Variants in VAV2 observed in about 807,000 individuals in gnomAD.
VAV2 encodes vav guanine nucleotide exchange factor 2.
Under a neutral mutation model 132.5 loss-of-function variants are expected in VAV2, and 67 were observed. That is an observed-to-expected ratio of 0.51 (90% confidence interval 0.42 to 0.62). VAV2 has a LOEUF of 0.62. Ranked by LOEUF, VAV2 falls within the 20% of genes least tolerant of loss-of-function variation. The pLI is 0.00. For missense variants in VAV2, 938 were observed against 1,153.6 expected, an observed-to-expected ratio of 0.81 and a Z score of 2.71; for synonymous variants, 492 against 443.5, an observed-to-expected ratio of 1.11 and a Z score of -1.37.
At chr9:133,965,906 A>C (rs1842126233) in intron 1 of VAV2, among the ~76,000 whole-genome samples, 1 of 152,244 alleles carries the variant, frequency 6.6e-6, no homozygotes, top group South Asian at 2.1e-4. Flanking sequence ...CAGCAACAAA[A>C]GCAGCATGAT....
chr9:133,985,235 T>A (rs914635888), intron 1 of VAV2, among the ~76,000 whole-genome samples: 63 of 108,338 alleles, frequency 5.8e-4, no homozygotes, highest in African/African-American at 3.0e-3. Context: ...ATTGTGTGTG[T>A]GTGTGTGTGT....
At chr9:133,844,533 A>C (rs1836854965) in intron 3 of VAV2, among the ~76,000 whole-genome samples, 1 of 152,244 alleles carries the variant, frequency 6.6e-6, no homozygotes, top group Non-Finnish European at 1.5e-5. Context: ...CTGCACCCCC[A>C]GTCCCTGGCA....
intron 9 of VAV2, among the ~76,000 whole-genome samples, chr9:133,799,270 A>G (rs1834839526): frequency 6.6e-6 from 1 of 152,150 alleles, no homozygotes; most frequent in Non-Finnish European, 1.5e-5. Flanking sequence ...TACTCCCAAC[A>G]AATGCTCATG....
At chr9:133,822,797 G>A (rs1397628462) in intron 4 of VAV2, among the ~76,000 whole-genome samples, 2 of 147,660 alleles carry the variant, frequency 1.4e-5, no homozygotes, top group African/African-American at 5.2e-5. Flanking sequence ...AAATATTCAG[G>A]AACCAAAAAA....
At chr9:133,966,562 C>T (rs904717928) in intron 1 of VAV2, among the ~76,000 whole-genome samples, 1 of 152,160 alleles carries the variant, frequency 6.6e-6, no homozygotes, top group Non-Finnish European at 1.5e-5. Flanking sequence ...AAAAATTAGC[C>T]AGGCGTGGTG....
chr9:133,825,108 C>T (rs998620272), intron 4 of VAV2, among the ~76,000 whole-genome samples: 4 of 140,294 alleles, frequency 2.9e-5, no homozygotes, highest in African/African-American at 1.1e-4. Flanking sequence ...GTCTGTTGTG[C>T]AAATGAGGCA....
rs921910076 is a variant in VAV2, at chr9:133,961,651, G to C, written c.205-22432C>G. Among the ~76,000 whole-genome samples the C allele has an allele frequency of 2.6e-5, 4 of 152,210 alleles. No individual in the cohort carries two copies. Among genetic ancestry groups the C allele is most frequent in the Non-Finnish European group, 5.9e-5 (4 of 68,040 alleles). On this transcript the variant is annotated intron_variant, in intron 1 of 29. Coordinates refer to ENST00000371850, the MANE Select transcript of VAV2 (RefSeq NM_001134398.2). The surrounding 1 kb of genome is among the most constrained non-coding windows in gnomAD (Gnocchi z 4.1). ...CCAGGTGCTCCAGTCCCCAGAGCACGCATAAGCCTCAGCCAGTTTTACTTC... is the reference window on the plus strand; with the variant it reads ...CCAGGTGCTCCAGTCCCCAGAGCACCCATAAGCCTCAGCCAGTTTTACTTC...
intron 1 of VAV2, among the ~76,000 whole-genome samples, chr9:133,972,378 G>A (rs1842365301): frequency 6.6e-6 from 1 of 152,228 alleles, no homozygotes; most frequent in Admixed American, 6.5e-5. Context: ...TGCGATGCTG[G>A]GGCAGGGCAG....
At chr9:133,890,139 G>A (rs1363563574) in intron 2 of VAV2, among the ~76,000 whole-genome samples, 1 of 152,180 alleles carries the variant, frequency 6.6e-6, no homozygotes, top group East Asian at 1.9e-4. Flanking sequence ...TGGGCAGCAC[G>A]GATCGTGCCA....
intron 1 of VAV2, among the ~76,000 whole-genome samples, chr9:133,939,553 C>G (rs2519805): frequency 0.78 from 118,572 of 152,196 alleles, 46,256 homozygotes; most frequent in Middle Eastern, 0.87. Flanking sequence ...TCCCCGTAAC[C>G]GTAGGTCAGG....
chr9:133,915,766 C>T (rs1341748075), intron 2 of VAV2, among the ~76,000 whole-genome samples: 1 of 151,030 alleles, frequency 6.6e-6, no homozygotes, highest in Non-Finnish European at 1.5e-5. Context: ...CACACATACA[C>T]ACAATGCACA....
chr9:133,769,387 GT>G lies in VAV2; in HGVS notation c.2434+29del, dbSNP rs767172285. 2 of 1,591,832 alleles carry G rather than the reference GT, an allele frequency of 1.3e-6. No individual in the cohort carries two copies. The highest frequency in any genetic ancestry group is 2.7e-5 in the African/African-American group (2 of 74,462). On this transcript the variant is annotated intron_variant, in intron 28 of 29. Coordinates refer to ENST00000371850, the MANE Select transcript of VAV2 (RefSeq NM_001134398.2). This position sits in a 1 kb window ranked among gnomAD's most constrained non-coding sequence, Gnocchi z 8.1. ...TCCCAAGGCAGCTGCCACAGGCCCG[GT>G]CCCCCCACGCCCTGGGGAGCAGCGG...
At chr9:133,887,806 C>G (rs897720510) in intron 2 of VAV2, among the ~76,000 whole-genome samples, 1 of 151,992 alleles carries the variant, frequency 6.6e-6, no homozygotes, top group Non-Finnish European at 1.5e-5. Flanking sequence ...CCCCGCCCCC[C>G]ACCCAGGGGC....
intron 18 of VAV2, among the ~76,000 whole-genome samples, chr9:133,784,053 G>T (rs972405971): frequency 6.6e-5 from 10 of 152,160 alleles, no homozygotes; most frequent in Non-Finnish European, 1.2e-4. Flanking sequence ...GCTGACTTTG[G>T]TATTTTTTGT....
At chr9:133,942,759 C>T (rs1841217039) in intron 1 of VAV2, among the ~76,000 whole-genome samples, 1 of 152,098 alleles carries the variant, frequency 6.6e-6, no homozygotes, top group Admixed American at 6.5e-5. Flanking sequence ...TGGCCCGGCC[C>T]CACCCGTGGC....
chr9:133,950,539 C>G (rs533207240), intron 1 of VAV2, among the ~76,000 whole-genome samples: 1 of 152,246 alleles, frequency 6.6e-6, no homozygotes, highest in East Asian at 1.9e-4. Flanking sequence ...CCCACACAAT[C>G]GGGACTTCAA....
intron 1 of VAV2, among the ~76,000 whole-genome samples, chr9:133,989,409 A>G (rs1438743009): frequency 6.6e-6 from 1 of 150,698 alleles, no homozygotes; most frequent in African/African-American, 2.4e-5. Context: ...AATCCCAGCT[A>G]CTCGGGAGGA....
chr9:133,801,787 T>C (rs1015197466), intron 9 of VAV2, among the ~76,000 whole-genome samples: 1 of 151,964 alleles, frequency 6.6e-6, no homozygotes, highest in South Asian at 2.1e-4. Context: ...GGGGAGGCCA[T>C]GTGGAGATGG....
chr9:133,789,283 T>C lies in VAV2; in HGVS notation c.1249A>G (p.Ile417Val), dbSNP rs375096471. ...CTGTCCTGCTTGGTGTGGTTGACTA[T>C]GGACCGGACTTTCAGTTCCCCGTCA... ...KIDGELKVRS[I>V]VNHTKQDRYL... is the part of the protein sequence containing the mutation. The change falls in exon 14 of 30, where the codon ATA becomes GTA. Residue 417 changes from isoleucine to valine, a missense_variant. Coordinates refer to ENST00000371850, the MANE Select transcript of VAV2 (RefSeq NM_001134398.2). 2.5e-6 allele frequency: 4 copies of C among 1,614,032 alleles called. No homozygotes were observed. Among genetic ancestry groups the C allele is most frequent in the Non-Finnish European group, 2.5e-6 (3 of 1,180,036 alleles).
Sources: gnomAD v4.1 joint callset for allele counts (sites outside exome capture counted in the v4.1 genomes callset) on GRCh38, gnomAD v4.1.1 for gene constraint, Gnocchi (gnomAD v3.1) non-coding constraint, MANE v1.5 for transcripts, NCBI Gene and HGNC (gene_info 2026-07-23, HGNC 2026-07-21) for gene names.